The following PSG7 variants were observed in gnomAD, a reference collection of about 807,000 sequenced individuals.
PSG7 encodes pregnancy-specific beta-1-glycoprotein 7.
A neutral mutation model predicts 45.6 loss-of-function variants in PSG7; 57 were observed. The observed-to-expected ratio is 1.25, with a 90% CI of 1.01 to 1.56. The LOEUF is 1.56. Ranked by LOEUF, PSG7 falls within the 40% of genes most tolerant of loss-of-function variation. The pLI is 0.00. For missense variants in PSG7, 796 were observed against 508.4 expected (o/e 1.57, Z -5.44); for synonymous variants, 298 against 194.4 (o/e 1.53, Z -4.43).
chr19:42,929,670 C>T lies in PSG7; in HGVS notation c.481G>A (p.Ala161Thr), dbSNP rs770772314. The stretch of plus-strand genomic sequence containing the variant: ...CAGGTTAAAATCACAGCCTCCGTGG[C>T]CTCCCTGGGGTTGAAATTGCTGCTG... ...ISSSNFNPRE[A>T]TEAVILTCDP... Residue 161 changes from alanine to threonine, a missense_variant, in exon 3 of 6, where the codon GCC becomes ACC. By Grantham distance (58) the Ala-to-Thr change is moderately conservative. Transcript: ENST00000406070. 12 of 1,612,292 alleles carry T rather than the reference C, an allele frequency of 7.4e-6. 2 individuals are homozygous for T. Among genetic ancestry groups the T allele is most frequent in the African/African-American group, 2.7e-5 (2 of 74,612 alleles).
In PSG7 at chr19:42,933,290, TATATATATATA is replaced by T. The variant is rs1309962287; in HGVS notation, c.430+2103_430+2113del. Among the ~76,000 whole-genome samples the T allele has an allele frequency of 7.9e-3, 95 of 12,042 alleles. 7 individuals carry two copies. Among genetic ancestry groups the T allele is most frequent in the Non-Finnish European group, 0.015 (71 of 4,664 alleles). 7.9% of individuals were successfully genotyped at this position (12,042 alleles called of 152,430 possible). A position where few individuals can be genotyped will look rare whatever the true frequency, so the allele number is the denominator to read the frequency against. On this transcript the variant is annotated intron_variant, in intron 2 of 5. Transcript: ENST00000406070. Reference sequence around the variant, plus strand: ...CAATATATATATATATATATATATATATATATATATATATATATTTTTTTTTTTTTTTGGTG... The same window carrying T: ...CAATATATATATATATATATATATATTATATATTTTTTTTTTTTTTTGGTG...
chr19:42,929,699 A>T lies in PSG7; in HGVS notation c.452T>A (p.Ile151Asn). ...CCTGGGGTTGAAATTGCTGCTGGAG[A>T]TGGAGGGTTTGGGAGTCTCCACTGT... Reference protein sequence around the residue: ...TLYLETPKPSISSSNFNPREA... With the variant: ...TLYLETPKPSNSSSNFNPREA... Residue 151 changes from isoleucine (I) to asparagine (N), a missense_variant, in exon 3 of 6, where the codon ATC becomes AAC. Transcript: ENST00000406070. 1 of 1,612,222 alleles carries T rather than the reference A, an allele frequency of 6.2e-7. No individual in the cohort carries two copies. The highest frequency in any genetic ancestry group is 8.5e-7 in the Non-Finnish European group (1 of 1,179,090).
At chr19:42,933,819 A>G (rs998377502) in intron 2 of PSG7, among the ~76,000 whole-genome samples, 2 of 151,092 alleles carry the variant, frequency 1.3e-5, no homozygotes, top group African/African-American at 4.9e-5. Flanking sequence ...TCCAGGACCA[A>G]GGAGCCCTGA....
rs1427661126 is a variant in PSG7, at chr19:42,935,749, T to G, written c.85A>C (p.Asn29His). Reference sequence around the variant, plus strand: ...GTGACTTGGGCTGTGGTGGGCGGGTTCCAGAAGTTTAAAAGTGATGCTAGG... The same window carrying G: ...GTGACTTGGGCTGTGGTGGGCGGGTGCCAGAAGTTTAAAAGTGATGCTAGG... ...LLTASLLNFWNPPTTAQVTIE... is the reference protein window; with the variant it reads ...LLTASLLNFWHPPTTAQVTIE... The change falls in exon 2 of 6, where the codon AAC becomes CAC. Residue 29 changes from asparagine to histidine, a missense_variant. Transcript: ENST00000406070. 1 of 1,610,800 alleles carries G rather than the reference T, an allele frequency of 6.2e-7. No homozygotes were observed. The highest frequency in any genetic ancestry group is 1.1e-5 in the South Asian group (1 of 90,636).
chr19:42,937,011 AC>A lies in PSG7; in HGVS notation c.64+1del. On this transcript the variant is annotated splice_donor_variant, in intron 1 of 5. Transcript: ENST00000406070. LOFTEE classifies it high-confidence loss of function. ...TCCTCTCCCAGGAAGTTCTCTCCTCACCTGTGAGCAGGAGCCCTTTCCAGGT... is the reference window on the plus strand; with the variant it reads ...TCCTCTCCCAGGAAGTTCTCTCCTCACTGTGAGCAGGAGCCCTTTCCAGGT... 1 of 1,610,686 alleles carries A rather than the reference AC, an allele frequency of 6.2e-7. No homozygotes were observed. Among genetic ancestry groups the A allele is most frequent in the Non-Finnish European group, 8.5e-7 (1 of 1,178,186 alleles).
At chr19:42,925,719 G>A (rs1014167874) in intron 5 of PSG7, 54 bp downstream of exon 5, 1 of 1,609,766 alleles carries the variant, frequency 6.2e-7, no homozygotes, top group African/African-American at 1.3e-5. Flanking sequence ...TTCTCTGAAA[G>A]TCAGATAGAC....
rs371931751 is a variant in PSG7 at position 42,929,608 on chromosome 19, C to G, written c.543G>C (p.Trp181Cys). 1 of 1,612,494 alleles carries G rather than the reference C, an allele frequency of 6.2e-7. No individual in the cohort carries two copies. Among genetic ancestry groups the G allele is most frequent in the African/African-American group, 1.3e-5 (1 of 74,670 alleles). The change falls in exon 3 of 6, where the codon TGG becomes TGC. Residue 181 changes from tryptophan to cysteine, a missense_variant. Trp to Cys is a radical substitution (Grantham distance 215). Coordinates refer to ENST00000406070, the MANE Select transcript of PSG7 (RefSeq NM_002783.3). The part of the protein sequence containing the change: ...PETPDASYLW[W>C]MNGQSLPMTH... The stretch of plus-strand genomic sequence containing the variant: ...TCATAGGGAGGCTCTGACCATTCAT[C>G]CACCACAGGTAGCTTGCATCTGGAG...
chr19:42,931,110 T>A (rs1973010897), intron 2 of PSG7, among the ~76,000 whole-genome samples: 1 of 151,604 alleles, frequency 6.6e-6, no homozygotes, highest in African/African-American at 2.4e-5. Flanking sequence ...TACTGTAATT[T>A]TCCCATAAAA....
chr19:42,926,042 A>C lies in PSG7; in HGVS notation c.989-15T>G, dbSNP rs1972879268. 3 of 1,609,926 alleles carry C rather than the reference A, an allele frequency of 1.9e-6. No individual in the cohort carries two copies. The South Asian group carries it at 3.3e-5, about 18-fold the overall frequency. The stretch of plus-strand genomic sequence containing the variant: ...GTCTGGACCATCTGGAGGAAAGAGA[A>C]TAAAGCCACAGGTGATGTTATCCGA... On this transcript the variant is annotated splice_polypyrimidine_tract_variant and intron_variant, in intron 4 of 5. Coordinates refer to ENST00000406070, the MANE Select transcript of PSG7 (RefSeq NM_002783.3).
rs377008948 is a variant in PSG7 at position 42,925,752 on chromosome 19, A to G, written c.1243+21T>C. On this transcript the variant is annotated intron_variant, in intron 5 of 5. Coordinates refer to ENST00000406070, the MANE Select transcript of PSG7 (RefSeq NM_002783.3). ...GACTGCACCTAAAACCCTATTGCCAAGGATGCTGGGATCCACTTACCAGAG... is the reference window on the plus strand; with the variant it reads ...GACTGCACCTAAAACCCTATTGCCAGGGATGCTGGGATCCACTTACCAGAG... 1.7e-5 allele frequency: 28 copies of G among 1,611,690 alleles called. 2 individuals are homozygous for G. In the African/African-American group the frequency reaches 3.6e-4, roughly 21 times the overall value.
chr19:42,930,327 CAT>C (rs1157238001), intron 2 of PSG7, among the ~76,000 whole-genome samples: 5 of 151,496 alleles, frequency 3.3e-5, no homozygotes, highest in Admixed American at 3.3e-4. Flanking sequence ...CCAGGTGTCT[CAT>C]AGTGACTGAC....
Position 42,926,732 on chromosome 19 carries a change from A to G in PSG7, c.710-16T>C. The G allele has an allele frequency of 6.2e-7, 1 of 1,609,472 alleles. No individual in the cohort carries two copies. Among genetic ancestry groups the G allele is most frequent in the Non-Finnish European group, 8.5e-7 (1 of 1,178,140 alleles). On this transcript the variant is annotated splice_polypyrimidine_tract_variant and intron_variant, in intron 3 of 5. Transcript: ENST00000406070. ...GGCAGCTTCGCTGTGTGAATAACAG[A>G]GAGAAGATTGTCCTGTGTGGCACCT...
rs782491947 is a variant in PSG7, at chr19:42,935,589, T to A, written c.245A>T (p.Tyr82Phe). 1.9e-6 allele frequency: 3 copies of A among 1,612,026 alleles called. No homozygotes were observed. The African/African-American group carries it at 4.0e-5, about 22-fold the overall frequency. ...IRDLYHYVTSYIVDGQIIKYG... is the reference protein window; with the variant it reads ...IRDLYHYVTSFIVDGQIIKYG... ...TTTAATTATTTGACCGTCTACTATA[T>A]ATGATGTAACATAATGGTAGAGGTC... Residue 82 changes from tyrosine to phenylalanine, a missense_variant, in exon 2 of 6, where the codon TAT becomes TTT. Physicochemically the swap from Tyr to Phe is conservative, Grantham distance 22. Coordinates refer to ENST00000406070, the MANE Select transcript of PSG7 (RefSeq NM_002783.3).
Position 42,926,697 on chromosome 19 carries a change from G to T in PSG7, c.729C>A (p.Tyr243Ter). The change falls in exon 4 of 6, where the codon TAC becomes TAA. Residue 243 changes from tyrosine to a stop codon, truncating the protein, a stop_gained. Transcript: ENST00000406070. LOFTEE classifies it high-confidence loss of function. Reference sequence around the variant, plus strand: ...TGGGGTTTAAGTTATTGATGGTGATGTAGGGCTTGGGCAGCTTCGCTGTGT... The same window carrying T: ...TGGGGTTTAAGTTATTGATGGTGATTTAGGGCTTGGGCAGCTTCGCTGTGT... ...LNLLPKLPKP[Y>*]ITINNLNPRE... is the part of the protein sequence containing the mutation. 6.2e-7 allele frequency: 1 copy of T among 1,610,456 alleles called. No individual in the cohort carries two copies. Among genetic ancestry groups the T allele is most frequent in the Non-Finnish European group, 8.5e-7 (1 of 1,178,992 alleles).
Position 42,936,854 on chromosome 19 carries a change from G to T in PSG7, c.64+159C>A, listed in dbSNP as rs139194992. Among the ~76,000 whole-genome samples, 16 of 151,354 alleles carry T rather than the reference G, an allele frequency of 1.1e-4. No individual in the cohort carries two copies. The East Asian group carries it at 3.1e-3, about 29-fold the overall frequency. ...AGTACAGACAGGGCTACATTGTGTT[G>T]GCCAGACTGATCTTGAACTCCTGAT... On this transcript the variant is annotated intron_variant, in intron 1 of 5. Coordinates refer to ENST00000406070, the MANE Select transcript of PSG7 (RefSeq NM_002783.3).
At position 42,937,057 on chromosome 19, in the gene PSG7, G is replaced by A. The variant is rs150067430; in HGVS notation, c.20C>T (p.Pro7Leu). The A allele has an allele frequency of 1.4e-5, 22 of 1,611,328 alleles. 1 individual carries two copies. In the East Asian group the frequency reaches 4.5e-4, roughly 33 times the overall value. The change falls in exon 1 of 6, where the codon CCT (proline) becomes CTT (leucine). Residue 7 changes from proline (P) to leucine (L), a missense_variant. Pro to Leu is a moderately conservative substitution (Grantham distance 98). Coordinates refer to ENST00000406070, the MANE Select transcript of PSG7 (RefSeq NM_002783.3). ...CCAGGTTATATGCTGTGTGCAGGGAGGGGCTGAGAGGGGCCCCATGGTCTC... is the reference window on the plus strand; with the variant it reads ...CCAGGTTATATGCTGTGTGCAGGGAAGGGCTGAGAGGGGCCCCATGGTCTC... The part of the protein sequence containing the change: MGPLSA[P>L]PCTQHITWKG...
Position 42,935,907 on chromosome 19 carries a change from CACACACAA to C in PSG7, c.65-146_65-139del, listed in dbSNP as rs1189074274. 4.7e-4 allele frequency: 495 copies of C among 1,056,086 alleles called. 7 individuals carry two copies. The highest frequency in any genetic ancestry group is 6.5e-4 in the South Asian group (35 of 53,924). 65.4% of individuals were successfully genotyped at this position (1,056,086 alleles called of 1,614,324 possible). On this transcript the variant is annotated intron_variant, in intron 1 of 5. Coordinates refer to ENST00000406070, the MANE Select transcript of PSG7 (RefSeq NM_002783.3). ...ACACACACACACACACACACACACA[CACACACAA>C]ACACACACACACACATATAAAAGGG...
In PSG7 at chr19:42,931,590, A is replaced by G. The variant is rs533069225; in HGVS notation, c.431-1870T>C. On this transcript the variant is annotated intron_variant, in intron 2 of 5. Coordinates refer to ENST00000406070, the MANE Select transcript of PSG7 (RefSeq NM_002783.3). ...TCTTAAGCTCAGGAAACACCACTAGAGTTTAAGTTTGTGTGAATTAGTAAG... is the reference window on the plus strand; with the variant it reads ...TCTTAAGCTCAGGAAACACCACTAGGGTTTAAGTTTGTGTGAATTAGTAAG... 2.0e-5 allele frequency among the ~76,000 whole-genome samples: 3 copies of G among 151,640 alleles called. 1 individual carries two copies. The highest frequency in any genetic ancestry group is 2.1e-4 in the South Asian group (1 of 4,756).
chr19:42,926,147 C>A, intron 4 of PSG7, 120 bp from the exon 5 acceptor site: 12 of 1,488,334 alleles, frequency 8.1e-6, no homozygotes, highest in East Asian at 2.3e-5. Flanking sequence ...ACAGCCAAAT[C>A]CCCTCTATGT....
Sources: gnomAD v4.1 joint callset for allele counts (sites outside exome capture counted in the v4.1 genomes callset) on GRCh38, gnomAD v4.1.1 for gene constraint, MANE v1.5 for transcripts, NCBI Gene and HGNC (gene_info 2026-07-23, HGNC 2026-07-21) for gene names.